AFF3: variants seen among roughly 807,000 people sequenced by gnomAD.
The protein encoded by AFF3 is ALF transcription elongation factor 3, also known as AF4/FMR2 family member 3.
A neutral mutation model predicts 129.7 loss-of-function variants in AFF3; 32 were observed. The ratio of observed to expected loss-of-function variants is 0.25; its 90% CI spans 0.19 to 0.33. The LOEUF is 0.33. Ranked by LOEUF, AFF3 falls within the 10% of genes least tolerant of loss-of-function variation. AFF3 has a pLI of 1.00. For missense variants in AFF3, 1,373 were observed against 1,592.0 expected (o/e 0.86, Z 2.34); for synonymous variants, 644 against 635.4 (o/e 1.01, Z -0.20).
chr2:100,027,048 A>G (rs920840124), intron 4 of AFF3, among the ~76,000 whole-genome samples: 2 of 152,142 alleles, frequency 1.3e-5, no homozygotes, highest in Non-Finnish European at 2.9e-5. Context: ...TCATGTAACC[A>G]AACACCACCT....
At chr2:99,755,178 C>A (rs1181675741) in intron 8 of AFF3, among the ~76,000 whole-genome samples, 1 of 152,048 alleles carries the variant, frequency 6.6e-6, no homozygotes, top group African/African-American at 2.4e-5. Flanking sequence ...AGATGAGCTG[C>A]ATCTTTTTCT....
intron 2 of AFF3, among the ~76,000 whole-genome samples, chr2:100,116,294 A>T (rs1479383188): frequency 6.6e-6 from 1 of 151,718 alleles, no homozygotes; most frequent in Admixed American, 6.6e-5. Context: ...TTTTTAACTC[A>T]GCCTGACAAA....
At chr2:99,649,604 T>C in intron 13 of AFF3, 22 bp downstream of exon 13, 7 of 1,611,976 alleles carry the variant, frequency 4.3e-6, no homozygotes, top group Non-Finnish European at 5.9e-6. Flanking sequence ...AATTTATAGT[T>C]CATAAAAATG....
intron 7 of AFF3, among the ~76,000 whole-genome samples, chr2:99,989,137 C>T (rs1418011967): frequency 6.6e-6 from 1 of 152,188 alleles, no homozygotes; most frequent in East Asian, 1.9e-4. Flanking sequence ...GCCTGCTCTA[C>T]AGAAAAGGTA....
At chr2:99,888,728 C>T (rs1693312732) in intron 7 of AFF3, among the ~76,000 whole-genome samples, 1 of 151,484 alleles carries the variant, frequency 6.6e-6, no homozygotes. Flanking sequence ...TTTTTTTAAG[C>T]ATGCAGCTGT....
At chr2:100,006,405 ACAC>A in intron 7 of AFF3, 1 of 520,026 alleles carries the variant, frequency 1.9e-6, no homozygotes, top group Non-Finnish European at 3.2e-6. Context: ...ATACATACAC[ACAC>A]AACTGCATTT....
intron 11 of AFF3, among the ~76,000 whole-genome samples, chr2:99,673,602 C>G (rs1164557585): frequency 6.6e-6 from 1 of 152,176 alleles, no homozygotes; most frequent in Non-Finnish European, 1.5e-5. Context: ...CAGGGGAGAG[C>G]CCACTTCTGA....
At chr2:100,069,745 GAAT>G (rs1158217775) in intron 4 of AFF3, among the ~76,000 whole-genome samples, 1 of 152,148 alleles carries the variant, frequency 6.6e-6, no homozygotes, top group Non-Finnish European at 1.5e-5. Context: ...TTATCTATGT[GAAT>G]AATGCCTTAA....
chr2:99,820,060 A>C (rs377112545), intron 8 of AFF3, among the ~76,000 whole-genome samples: 1 of 152,260 alleles, frequency 6.6e-6, no homozygotes, highest in Non-Finnish European at 1.5e-5. Flanking sequence ...ACATGAATAC[A>C]CACTCAAGAT....
intron 15 of AFF3, among the ~76,000 whole-genome samples, chr2:99,589,196 T>C (rs948570885): frequency 6.6e-6 from 1 of 152,070 alleles, no homozygotes; most frequent in African/African-American, 2.4e-5. Context: ...ATAGCCACAC[T>C]CATTCCCAGA....
intron 21 of AFF3, 91 bp from the exon 22 acceptor site, chr2:99,559,059 T>TTA: frequency 9.3e-7 from 1 of 1,074,222 alleles, no homozygotes; most frequent in Non-Finnish European, 1.4e-6. Flanking sequence ...TCTAAGGTAC[T>TTA]CAATAACAAT....
intron 8 of AFF3, among the ~76,000 whole-genome samples, chr2:99,782,435 T>C (rs1006896383): frequency 3.9e-5 from 6 of 152,222 alleles, no homozygotes; most frequent in Non-Finnish European, 7.3e-5. Context: ...CAGTGAACAG[T>C]TGCAGGACAC....
chr2:99,759,404 C>T (rs562773580), intron 8 of AFF3, among the ~76,000 whole-genome samples: 12 of 150,618 alleles, frequency 8.0e-5, no homozygotes, highest in African/African-American at 2.7e-4. Context: ...TAAACATAAT[C>T]GCCTAAAGAA....
intron 8 of AFF3, among the ~76,000 whole-genome samples, chr2:99,804,992 C>T (rs1686229482): frequency 6.6e-6 from 1 of 152,168 alleles, no homozygotes; most frequent in African/African-American, 2.4e-5. Flanking sequence ...ATATACACTA[C>T]TTGGATGACA....
intron 7 of AFF3, among the ~76,000 whole-genome samples, chr2:99,970,909 T>C (rs1678303612): frequency 6.6e-6 from 1 of 152,228 alleles, no homozygotes; most frequent in Admixed American, 6.5e-5. Context: ...GGCTTCTCCA[T>C]GCTCACAAGG....
At chr2:99,874,596 G>A (rs1692142873) in intron 7 of AFF3, among the ~76,000 whole-genome samples, 1 of 152,066 alleles carries the variant, frequency 6.6e-6, no homozygotes, top group Non-Finnish European at 1.5e-5. Flanking sequence ...AAACTTGTGT[G>A]ATTTTTTTAA....
intron 9 of AFF3, 24 bp downstream of exon 9, chr2:99,752,197 C>G: frequency 1.9e-6 from 3 of 1,586,808 alleles, no homozygotes; most frequent in South Asian, 2.2e-5. Context: ...AAACATATTC[C>G]TCCTGAGGGA....
At chr2:99,578,990 C>T (rs370254411) in intron 17 of AFF3, among the ~76,000 whole-genome samples, 12 of 152,232 alleles carry the variant, frequency 7.9e-5, no homozygotes, top group Middle Eastern at 3.2e-3. Context: ...CCTGGAACCA[C>T]GCTTTCAGAA....
intron 7 of AFF3, among the ~76,000 whole-genome samples, chr2:100,002,559 G>A (rs1233709100): frequency 6.6e-6 from 1 of 152,134 alleles, no homozygotes; most frequent in Non-Finnish European, 1.5e-5. Context: ...TCTTATAGAT[G>A]AATTATCAAC....
Sources: allele counts gnomAD v4.1 joint callset (sites outside exome capture counted in the v4.1 genomes callset), GRCh38; gene constraint gnomAD v4.1.1; transcripts MANE v1.5; gene names NCBI Gene and HGNC (gene_info 2026-07-23, HGNC 2026-07-21).